DOK6: variants seen among roughly 807,000 people sequenced by gnomAD.
The protein encoded by DOK6 is docking protein 6.
Under a neutral mutation model 44.0 loss-of-function variants are expected in DOK6, and 22 were observed. That is an observed-to-expected ratio of 0.50 (90% CI 0.36 to 0.71). The LOEUF (loss-of-function observed/expected upper bound fraction) is 0.71, where lower values mean the gene tolerates loss of function less well. DOK6 is among the 30% of genes least tolerant of loss of function. The pLI is 0.00. For synonymous variants in DOK6, 166 were observed against 145.5 expected, an observed-to-expected ratio of 1.14 and a Z score of -1.01; for missense variants, 340 against 416.4, an observed-to-expected ratio of 0.82 and a Z score of 1.60.
In DOK6 at chr18:69,847,315, C is replaced by T. The variant is rs1449335189; in HGVS notation, c.*5932C>T. The T allele has an allele frequency of 6.6e-6, 1 of 152,148 alleles. No individual in the cohort carries two copies. The allele number at this position is 152,148 out of a possible 1,614,324, so 9.4% of individuals were successfully genotyped here. On this transcript the variant is annotated 3_prime_UTR_variant, in exon 8 of 8. Transcript: ENST00000382713. ...TTTTAGACTGTGAGCATAAAATCAA[C>T]CCTTTCTGTCAGCACAGAATTGAAC...
chr18:69,432,773 A>C (rs1978844007), intron 1 of DOK6, among the ~76,000 whole-genome samples: 1 of 152,240 alleles, frequency 6.6e-6, no homozygotes. Context: ...GATTAATGAA[A>C]GAAAATACAA....
chr18:69,812,663 A>T (rs949804126), intron 7 of DOK6, among the ~76,000 whole-genome samples: 1 of 152,166 alleles, frequency 6.6e-6, no homozygotes, highest in Non-Finnish European at 1.5e-5. Context: ...TCATTCTCAC[A>T]CTGCTAAAAA....
chr18:69,570,619 A>G (rs1983091634), intron 2 of DOK6, among the ~76,000 whole-genome samples: 1 of 152,152 alleles, frequency 6.6e-6, no homozygotes, highest in Non-Finnish European at 1.5e-5. Flanking sequence ...TGTTTGGAAA[A>G]AGAATCATGC....
chr18:69,579,089 G>A (rs1270924461), intron 2 of DOK6, among the ~76,000 whole-genome samples: 6 of 152,154 alleles, frequency 3.9e-5, no homozygotes, highest in Admixed American at 3.9e-4. Flanking sequence ...CTAGGGAACT[G>A]GGGGTTTTGA....
intron 1 of DOK6, among the ~76,000 whole-genome samples, chr18:69,404,961 C>A (rs1037665498): frequency 1.3e-5 from 2 of 152,194 alleles, no homozygotes; most frequent in Non-Finnish European, 2.9e-5. Flanking sequence ...ATCATTGCTA[C>A]TGAGAGTACA....
intron 1 of DOK6, among the ~76,000 whole-genome samples, chr18:69,438,789 T>C (rs972970996): frequency 6.6e-6 from 1 of 152,146 alleles, no homozygotes; most frequent in African/African-American, 2.4e-5. Context: ...ATGACAATTA[T>C]CACCAGGTAT....
intron 3 of DOK6, among the ~76,000 whole-genome samples, chr18:69,623,077 G>C (rs1984480046): frequency 6.6e-6 from 1 of 152,152 alleles, no homozygotes; most frequent in African/African-American, 2.4e-5. Context: ...CTCCCTTACT[G>C]TTCTCATGAC....
rs1329103097 is a variant in DOK6, at chr18:69,524,838, TAGGG to T, written c.67-39646_67-39643del. 1.8e-4 allele frequency among the ~76,000 whole-genome samples: 28 copies of T among 151,956 alleles called. 1 individual carries two copies. Among genetic ancestry groups the T allele is most frequent in the Admixed American group, 5.3e-4 (8 of 15,236 alleles). ...GATTTGTTTGTTTATAGAAAAGAAA[TAGGG>T]AGAGTTTTTTCTCTTTCCAGTCATG... On this transcript the variant is annotated intron_variant, in intron 1 of 7. Transcript: ENST00000382713.
intron 7 of DOK6, chr18:69,781,474 C>T (rs1024925649): frequency 1.3e-5 from 2 of 152,016 alleles, no homozygotes. Flanking sequence ...TTAGTGATAC[C>T]ATGATTTATT....
At chr18:69,477,030 C>G (rs1346842964) in intron 1 of DOK6, among the ~76,000 whole-genome samples, 1 of 152,090 alleles carries the variant, frequency 6.6e-6, no homozygotes, top group African/African-American at 2.4e-5. Context: ...GTGCACAACC[C>G]CATCACTGAA....
intron 1 of DOK6, among the ~76,000 whole-genome samples, chr18:69,534,823 G>T (rs1245855963): frequency 6.6e-6 from 1 of 151,920 alleles, no homozygotes; most frequent in East Asian, 1.9e-4. Context: ...TTTAGCATCT[G>T]CTATGATCAT....
intron 3 of DOK6, among the ~76,000 whole-genome samples, chr18:69,630,687 A>G (rs985235493): frequency 2.6e-5 from 4 of 152,118 alleles, no homozygotes; most frequent in Non-Finnish European, 5.9e-5. Context: ...ATTCATTTCT[A>G]TTTTCAAAGC....
At chr18:69,493,550 G>C (rs1377412799) in intron 1 of DOK6, among the ~76,000 whole-genome samples, 1 of 152,164 alleles carries the variant, frequency 6.6e-6, no homozygotes, top group East Asian at 1.9e-4. Flanking sequence ...GCTAAAATTT[G>C]AGAATCATTG....
rs191668454 is a variant in DOK6, at chr18:69,462,449, A to G, written c.66+61139A>G. Among the ~76,000 whole-genome samples, 6 of 152,296 alleles carry G rather than the reference A, an allele frequency of 3.9e-5. No homozygotes were observed. The East Asian group carries it at 9.6e-4, about 24-fold the overall frequency. On this transcript the variant is annotated intron_variant, in intron 1 of 7. Coordinates refer to ENST00000382713, the MANE Select transcript of DOK6 (RefSeq NM_152721.6). ...GCTATGAAGGTTAAGAATATTTACAAAAGTATCCTCAGACATCAGCTTTTC... is the reference window on the plus strand; with the variant it reads ...GCTATGAAGGTTAAGAATATTTACAGAAGTATCCTCAGACATCAGCTTTTC...
At chr18:69,839,861 C>T (rs1982164423) in intron 7 of DOK6, among the ~76,000 whole-genome samples, 1 of 152,222 alleles carries the variant, frequency 6.6e-6, no homozygotes, top group East Asian at 1.9e-4. Flanking sequence ...TTGATCCCCT[C>T]TTGCTGAGCC....
intron 3 of DOK6, among the ~76,000 whole-genome samples, chr18:69,603,575 T>A (rs1348526045): frequency 6.6e-6 from 1 of 152,080 alleles, no homozygotes; most frequent in African/African-American, 2.4e-5. Context: ...ATCGAGAGCA[T>A]CCTGGCTAGC....
At chr18:69,697,978 G>A (rs138879237) in intron 4 of DOK6, among the ~76,000 whole-genome samples, 16 of 150,748 alleles carry the variant, frequency 1.1e-4, no homozygotes, top group African/African-American at 3.7e-4. Context: ...ATCAACAAAG[G>A]TAAAAATCAA....
At chr18:69,442,758 C>G (rs2122444078) in intron 1 of DOK6, among the ~76,000 whole-genome samples, 1 of 152,180 alleles carries the variant, frequency 6.6e-6, no homozygotes, top group South Asian at 2.1e-4. Context: ...ATATATGTTG[C>G]TTATTGTCTT....
Position 69,548,199 on chromosome 18 carries a change from C to A in DOK6, c.67-16288C>A, listed in dbSNP as rs1412150876. Among the ~76,000 whole-genome samples, 2 of 151,010 alleles carry A rather than the reference C, an allele frequency of 1.3e-5. 1 individual carries two copies. The highest frequency in any genetic ancestry group is 3.0e-5 in the Non-Finnish European group (2 of 67,606). On this transcript the variant is annotated intron_variant, in intron 1 of 7. Coordinates refer to ENST00000382713, the MANE Select transcript of DOK6 (RefSeq NM_152721.6). ...CGATCTCCTGACCTCATGATCCACC[C>A]GCCTTGGCCTCCCAAAGTGCTGGGA...
Sources: gnomAD v4.1 joint callset for allele counts (sites outside exome capture counted in the v4.1 genomes callset) on GRCh38, gnomAD v4.1.1 for gene constraint, MANE v1.5 for transcripts, NCBI Gene and HGNC (gene_info 2026-07-23, HGNC 2026-07-21) for gene names.